CORO1C: variants seen among roughly 807,000 people sequenced by gnomAD.
CORO1C encodes coronin 1C, also known as coronin-1C.
A neutral mutation model predicts 51.2 loss-of-function variants in CORO1C; 14 were observed. The observed-to-expected ratio is 0.27, with a 90% CI of 0.18 to 0.43. The LOEUF (loss-of-function observed/expected upper bound fraction) is 0.43, where lower values mean the gene tolerates loss of function less well. CORO1C is among the 20% of genes least tolerant of loss of function. The pLI, the probability that CORO1C is intolerant of heterozygous loss-of-function variation, is 1.00. For missense variants in CORO1C, 417 were observed against 607.8 expected, an observed-to-expected ratio of 0.69 and a Z score of 3.30; for synonymous variants, 181 against 210.5, an observed-to-expected ratio of 0.86 and a Z score of 1.21.
intron 2 of CORO1C, among the ~76,000 whole-genome samples, chr12:108,684,581 T>C (rs1239203860): frequency 2.6e-5 from 4 of 152,124 alleles, no homozygotes; most frequent in Non-Finnish European, 4.4e-5. Flanking sequence ...TAAAAGTACA[T>C]GTTACAGATA....
At chr12:108,651,636 C>T (rs1438330405) in intron 8 of CORO1C, among the ~76,000 whole-genome samples, 1 of 152,172 alleles carries the variant, frequency 6.6e-6, no homozygotes, top group Non-Finnish European at 1.5e-5. Flanking sequence ...TACTTGCCCA[C>T]CAGGGAACGC....
chr12:108,666,472 A>C (rs1485341235), intron 3 of CORO1C, among the ~76,000 whole-genome samples: 2 of 152,188 alleles, frequency 1.3e-5, no homozygotes, highest in Non-Finnish European at 2.9e-5. Context: ...CTCAGCATAC[A>C]CATGCTCTGG....
chr12:108,702,677 T>A, intron 1 of CORO1C: 2 of 1,105,746 alleles, frequency 1.8e-6, no homozygotes, highest in Non-Finnish European at 2.5e-6. Flanking sequence ...TGTCCACTCA[T>A]GCCAGACGAG....
chr12:108,661,416 G>A (rs910921439), intron 4 of CORO1C, among the ~76,000 whole-genome samples: 2 of 152,192 alleles, frequency 1.3e-5, no homozygotes, highest in Non-Finnish European at 2.9e-5. Flanking sequence ...TGTGTAAAGT[G>A]TATGAACCCA....
At chr12:108,672,804 T>C (rs1308005514) in intron 3 of CORO1C, among the ~76,000 whole-genome samples, 3 of 152,226 alleles carry the variant, frequency 2.0e-5, no homozygotes, top group Non-Finnish European at 4.4e-5. Flanking sequence ...TTACTGTATC[T>C]GTTACAGTGA....
chr12:108,688,154 G>A (rs915438262), intron 2 of CORO1C, among the ~76,000 whole-genome samples: 1 of 151,878 alleles, frequency 6.6e-6, no homozygotes, highest in African/African-American at 2.4e-5. Flanking sequence ...CAGGTGATCT[G>A]CCCACCTCAG....
At chr12:108,655,991 C>T (rs1374602859) in intron 6 of CORO1C, among the ~76,000 whole-genome samples, 7 of 150,884 alleles carry the variant, frequency 4.6e-5, no homozygotes, top group Non-Finnish European at 8.9e-5. Context: ...TCTGCTCCGC[C>T]GCCCCGTCTG....
At position 108,688,201 on chromosome 12, in the gene CORO1C, G is replaced by A. The variant is rs574512716; in HGVS notation, c.196-9807C>T. On this transcript the variant is annotated intron_variant, in intron 2 of 10. Coordinates refer to ENST00000261401, the MANE Select transcript of CORO1C (RefSeq NM_014325.4). ...GCTGAGATTACAGGTGTGAGCCACC[G>A]TGCCCAGCCCAGTATATCTTATTTA... Among the ~76,000 whole-genome samples, 153 of 152,092 alleles carry A rather than the reference G, an allele frequency of 1.0e-3. 1 individual carries two copies. In the Middle Eastern group the frequency reaches 0.01, roughly 10 times the overall value.
chr12:108,724,340 T>C (rs940473853), intron 1 of CORO1C, among the ~76,000 whole-genome samples: 2 of 152,170 alleles, frequency 1.3e-5, no homozygotes, highest in African/African-American at 4.8e-5. Flanking sequence ...AAATAAAAAA[T>C]CCACACTATA....
At chr12:108,718,178 C>T (rs991891958) in intron 1 of CORO1C, among the ~76,000 whole-genome samples, 9 of 152,112 alleles carry the variant, frequency 5.9e-5, no homozygotes, top group Non-Finnish European at 1.0e-4. Context: ...ACGTTAAAAC[C>T]CCATCTCTAC....
intron 10 of CORO1C, 87 bp from the exon 11 acceptor site, chr12:108,647,609 T>C (rs1003063245): frequency 6.1e-6 from 6 of 989,950 alleles, no homozygotes; most frequent in Non-Finnish European, 8.8e-6. Flanking sequence ...TAAAATGTAG[T>C]TTTCTATTTT....
At chr12:108,674,294 G>A (rs2033823076) in intron 3 of CORO1C, among the ~76,000 whole-genome samples, 1 of 152,122 alleles carries the variant, frequency 6.6e-6, no homozygotes, top group Admixed American at 6.5e-5. Flanking sequence ...TGGGCACGGT[G>A]GCTCACACCT....
chr12:108,704,841 T>C (rs370865522), intron 1 of CORO1C, among the ~76,000 whole-genome samples: 6 of 152,258 alleles, frequency 3.9e-5, no homozygotes, highest in African/African-American at 1.4e-4. Context: ...AGCACAGCTG[T>C]ACTATTTACT....
In CORO1C at chr12:108,716,707, C is replaced by T. The variant is rs199816321; in HGVS notation, c.-6+14722G>A. Among the ~76,000 whole-genome samples, 4 of 152,260 alleles carry T rather than the reference C, an allele frequency of 2.6e-5. No individual in the cohort carries two copies. In the South Asian group the frequency reaches 8.3e-4, roughly 32 times the overall value. On this transcript the variant is annotated intron_variant, in intron 1 of 10. Transcript: ENST00000261401. The stretch of plus-strand genomic sequence containing the variant: ...AACTAAAATAAATGATTTCTAGGGT[C>T]CTATCAGAGTCTACAGGAAATCCTT...
intron 2 of CORO1C, among the ~76,000 whole-genome samples, chr12:108,679,391 A>G (rs186092126): frequency 6.6e-6 from 1 of 152,294 alleles, no homozygotes; most frequent in African/African-American, 2.4e-5. Flanking sequence ...TGCTCATGTC[A>G]CACATTTGAA....
chr12:108,694,209 G>A (rs138132259), intron 2 of CORO1C, among the ~76,000 whole-genome samples: 293 of 151,052 alleles, frequency 1.9e-3, no homozygotes, highest in African/African-American at 7.0e-3. Context: ...TTGAACCTGG[G>A]AGGTGGAGGC....
At chr12:108,728,493 G>A (rs561555255) in intron 1 of CORO1C, among the ~76,000 whole-genome samples, 1 of 152,212 alleles carries the variant, frequency 6.6e-6, no homozygotes, top group East Asian at 1.9e-4. Context: ...TTCTTTTTGG[G>A]GGGGATGAAA....
intron 3 of CORO1C, among the ~76,000 whole-genome samples, chr12:108,669,903 A>T (rs1205610235): frequency 6.6e-6 from 1 of 152,220 alleles, no homozygotes; most frequent in Non-Finnish European, 1.5e-5. Flanking sequence ...TTAAGTGATT[A>T]AAGGGTGATT....
intron 1 of CORO1C, among the ~76,000 whole-genome samples, chr12:108,704,092 T>C (rs1053546212): frequency 3.3e-5 from 5 of 152,218 alleles, no homozygotes; most frequent in East Asian, 1.9e-4. Context: ...CTCATAAAAA[T>C]AGGAAGATTA....
Sources: gnomAD v4.1 joint callset for allele counts (sites outside exome capture counted in the v4.1 genomes callset) on GRCh38, gnomAD v4.1.1 for gene constraint, MANE v1.5 for transcripts, NCBI Gene and HGNC (gene_info 2026-07-23, HGNC 2026-07-21) for gene names.